The following CAP1 variants were observed in gnomAD, a reference collection of about 807,000 sequenced individuals.
The protein encoded by CAP1 is adenylyl cyclase-associated protein 1.
In CAP1, 11 loss-of-function variants were observed where a neutral mutation model predicts 58.2. The observed-to-expected ratio is 0.19, with a 90% CI of 0.12 to 0.31. The LOEUF (loss-of-function observed/expected upper bound fraction) is 0.31. Ranked by LOEUF, CAP1 falls within the 10% of genes least tolerant of loss-of-function variation. CAP1 has a pLI of 1.00. For missense variants in CAP1, 423 were observed against 587.5 expected (o/e 0.72, Z 2.89); for synonymous variants, 183 against 213.8 (o/e 0.86, Z 1.26).
chr1:40,052,773 A>G (rs1570366780), intron 1 of CAP1, among the ~76,000 whole-genome samples: 1 of 151,744 alleles, frequency 6.6e-6, no homozygotes, highest in Non-Finnish European at 1.5e-5. Context: ...GTTGGCCTCC[A>G]TGGAGAAAAT....
chr1:40,067,728 A>G lies in CAP1; in HGVS notation c.808+11A>G. 6.3e-7 allele frequency: 1 copy of G among 1,588,808 alleles called. No homozygotes were observed. ...AGAGCATTACACATGGTGAGTGAGC[A>G]CTTGGACACGAACAGTAGGTACAAC... On this transcript the variant is annotated intron_variant, in intron 8 of 12. Coordinates refer to ENST00000372805, the MANE Select transcript of CAP1 (RefSeq NM_006367.4).
At chr1:40,041,401 A>C (rs531572786) in intron 1 of CAP1, 1 of 152,146 alleles carries the variant, frequency 6.6e-6, no homozygotes, top group Non-Finnish European at 1.5e-5. Flanking sequence ...TTTTTAAAAG[A>C]AAGGCGGGCA....
In CAP1 at chr1:40,072,646, T is replaced by A. The variant is rs1318254468; in HGVS notation, c.*1113T>A. The stretch of plus-strand genomic sequence containing the variant: ...AAATAGAATAAAGTTAATACCAAAC[T>A]TGCTTAGTTGTTTACCTGTGATATT... On this transcript the variant is annotated 3_prime_UTR_variant, in exon 13 of 13. Coordinates refer to ENST00000372805, the MANE Select transcript of CAP1 (RefSeq NM_006367.4). The A allele has an allele frequency of 6.6e-6, 1 of 152,640 alleles. No individual in the cohort carries two copies. Among genetic ancestry groups the A allele is most frequent in the Non-Finnish European group, 1.5e-5 (1 of 68,054 alleles). The allele number at this position is 152,640 out of a possible 1,614,324, so 9.5% of individuals were successfully genotyped here.
At chr1:40,052,325 G>A (rs1242874326) in intron 1 of CAP1, among the ~76,000 whole-genome samples, 1 of 152,164 alleles carries the variant, frequency 6.6e-6, no homozygotes, top group African/African-American at 2.4e-5. Flanking sequence ...AGTATGTACA[G>A]CTTGGGACTC....
At chr1:40,062,025 ATT>A (rs937751079) in intron 4 of CAP1, among the ~76,000 whole-genome samples, 61 of 152,200 alleles carry the variant, frequency 4.0e-4, no homozygotes, top group African/African-American at 1.4e-3. Flanking sequence ...TTTCTCTGTC[ATT>A]TTGCATAGGA....
chr1:40,068,306 C>T (rs994412678), intron 8 of CAP1, among the ~76,000 whole-genome samples: 5 of 152,004 alleles, frequency 3.3e-5, no homozygotes, highest in African/African-American at 4.8e-5. Flanking sequence ...GAGTTTTGCT[C>T]GTTTCCCAGC....
chr1:40,072,037 G>T lies in CAP1; in HGVS notation c.*504G>T. On this transcript the variant is annotated 3_prime_UTR_variant, in exon 13 of 13. Transcript: ENST00000372805. ...GGGTTGCACTGGACCAAAGGCTGAG[G>T]CTTGGCCATCTAGCATTCCATACAA... The T allele has an allele frequency of 2.5e-6, 1 of 403,142 alleles. No homozygotes were observed. The highest frequency in any genetic ancestry group is 4.4e-6 in the Non-Finnish European group (1 of 228,250). 25.0% of individuals were successfully genotyped at this position (403,142 alleles called of 1,614,324 possible).
intron 1 of CAP1, chr1:40,041,634 A>G (rs1423686892): frequency 1.3e-5 from 2 of 150,616 alleles, no homozygotes; most frequent in South Asian, 2.1e-4. Context: ...TGACCCCACA[A>G]GATTAAATTC....
intron 7 of CAP1, 95 bp from the exon 8 acceptor site, chr1:40,067,445 G>C: frequency 9.2e-7 from 1 of 1,082,022 alleles, no homozygotes; most frequent in South Asian, 1.6e-5. Flanking sequence ...GCTGTGGTGG[G>C]GACCCCATGT....
chr1:40,068,905 T>A (rs1647277210), intron 8 of CAP1, among the ~76,000 whole-genome samples: 1 of 152,180 alleles, frequency 6.6e-6, no homozygotes, highest in South Asian at 2.1e-4. Flanking sequence ...TGATCTTGGC[T>A]CACTGCAATC....
At chr1:40,053,639 G>T (rs768321177) in intron 1 of CAP1, among the ~76,000 whole-genome samples, 1 of 152,042 alleles carries the variant, frequency 6.6e-6, no homozygotes, top group Non-Finnish European at 1.5e-5. Flanking sequence ...TAAAGACGGG[G>T]TTTCTCCATG....
intron 1 of CAP1, 88 bp from the exon 2 acceptor site, chr1:40,059,249 C>G: frequency 1.4e-6 from 1 of 727,826 alleles, no homozygotes; most frequent in Non-Finnish European, 2.4e-6. Flanking sequence ...CTTCATCCAC[C>G]TGGGGATGAC....
chr1:40,058,009 A>G (rs1319696550), intron 1 of CAP1, among the ~76,000 whole-genome samples: 2 of 152,202 alleles, frequency 1.3e-5, no homozygotes, highest in Non-Finnish European at 2.9e-5. Context: ...TTATAACTTC[A>G]TAAATATTTA....
At chr1:40,067,161 C>T (rs891671115) in intron 7 of CAP1, 3 of 187,010 alleles carry the variant, frequency 1.6e-5, no homozygotes, top group African/African-American at 7.1e-5. Context: ...ACATCTTTCA[C>T]TGAAATAGGG....
At chr1:40,058,939 G>T (rs1646730949) in intron 1 of CAP1, among the ~76,000 whole-genome samples, 1 of 152,054 alleles carries the variant, frequency 6.6e-6, no homozygotes, top group Non-Finnish European at 1.5e-5. Context: ...CTATCTCTAA[G>T]CGTGTAGTAA....
At chr1:40,052,819 G>A (rs1022338941) in intron 1 of CAP1, among the ~76,000 whole-genome samples, 2 of 152,124 alleles carry the variant, frequency 1.3e-5, no homozygotes, top group Non-Finnish European at 2.9e-5. Flanking sequence ...GGCCAGGCGC[G>A]GTGGCTCACG....
At position 40,070,155 on chromosome 1, in the gene CAP1, A is replaced by C. The variant is rs776418240; in HGVS notation, c.994-4A>C. 6.2e-7 allele frequency: 1 copy of C among 1,614,034 alleles called. No homozygotes were observed. Among genetic ancestry groups the C allele is most frequent in the East Asian group, 2.2e-5 (1 of 44,878 alleles). ...ATGAGAATCCTGGGATCTCTCTCTAACAGGAAAATCAGGAAAATGTTTCCA... is the reference window on the plus strand; with the variant it reads ...ATGAGAATCCTGGGATCTCTCTCTACCAGGAAAATCAGGAAAATGTTTCCA... On this transcript the variant is annotated splice_polypyrimidine_tract_variant and splice_region_variant and intron_variant, in intron 9 of 12. Transcript: ENST00000372805.
At chr1:40,064,849 A>G (rs1647006861) in intron 6 of CAP1, among the ~76,000 whole-genome samples, 2 of 152,204 alleles carry the variant, frequency 1.3e-5, no homozygotes. Context: ...GGTGTGAGCC[A>G]CTGTGCCCAG....
intron 1 of CAP1, among the ~76,000 whole-genome samples, chr1:40,052,542 G>C (rs1178044614): frequency 6.6e-6 from 1 of 152,138 alleles, no homozygotes; most frequent in Non-Finnish European, 1.5e-5. Flanking sequence ...TTCTGTGTTT[G>C]GGAGAAGCCT....
Sources: gnomAD v4.1 joint callset for allele counts (sites outside exome capture counted in the v4.1 genomes callset) on GRCh38, gnomAD v4.1.1 for gene constraint, MANE v1.5 for transcripts, NCBI Gene and HGNC (gene_info 2026-07-23, HGNC 2026-07-21) for gene names.